PDCD6IP: variants seen among roughly 807,000 people sequenced by gnomAD.
PDCD6IP encodes the protein programmed cell death 6 interacting protein, also known as programmed cell death 6-interacting protein.
PDCD6IP carries 43 observed loss-of-function variants against 103.7 expected under a neutral mutation model. That is an observed-to-expected ratio of 0.41 (90% CI 0.32 to 0.53). The LOEUF is 0.53. Among genes scored for constraint, PDCD6IP ranks in the 20% least tolerant of loss-of-function variants. The pLI is 0.16. For missense variants in PDCD6IP, 871 were observed against 1,036.7 expected (o/e 0.84, Z 2.20); for synonymous variants, 354 against 378.7 (o/e 0.93, Z 0.76).
At chr3:33,811,136 C>T (rs1696707822) in intron 1 of PDCD6IP, 1 of 422,946 alleles carries the variant, frequency 2.4e-6, no homozygotes. Flanking sequence ...CCACCTGCCT[C>T]AGCCTCCCAG....
chr3:33,841,827 ATAAAG>A lies in PDCD6IP; in HGVS notation c.1182-66_1182-62del, dbSNP rs750738607. The A allele has an allele frequency of 8.2e-4, 824 of 1,002,738 alleles. 1 individual carries two copies. The highest frequency in any genetic ancestry group is 8.9e-4 in the Non-Finnish European group (598 of 670,812). 62.1% of individuals were successfully genotyped at this position (1,002,738 alleles called of 1,614,324 possible). ...ATTTGGTTATAGAATACTAAATTAA[ATAAAG>A]TAAGTATTGATGAGGAGTTAAATTG... On this transcript the variant is annotated intron_variant, in intron 9 of 17. Transcript: ENST00000307296.
rs1474276849 is a variant in PDCD6IP, at chr3:33,822,007, C to T, written c.387C>T (p.Ala129=). 6.2e-7 allele frequency: 1 copy of T among 1,614,014 alleles called. No homozygotes were observed. ...GCTGTGTGTTGTTCAATTGTGCAGC[C>T]TTAGCTAGCCAAATTGCAGCAGAAC... The part of the protein sequence containing the change: ...EKSCVLFNCA[A]LASQIAAEQN... Residue 129 remains alanine (A), a synonymous_variant, in exon 4 of 18, where the codon GCC becomes GCT. Transcript: ENST00000307296.
chr3:33,826,340 A>G (rs1697123417), intron 5 of PDCD6IP, 140 bp from the exon 6 acceptor site: 1 of 626,020 alleles, frequency 1.6e-6, no homozygotes, highest in African/African-American at 1.8e-5. Flanking sequence ...TGTCTGTTCT[A>G]AATTTTGTGC....
chr3:33,812,342 G>A (rs927050660), intron 2 of PDCD6IP, among the ~76,000 whole-genome samples: 8 of 152,180 alleles, frequency 5.3e-5, no homozygotes, highest in Admixed American at 1.3e-4. Context: ...TAGAGCAATG[G>A]TTTGTTTTTC....
At chr3:33,842,762 G>C (rs2125566863) in intron 10 of PDCD6IP, among the ~76,000 whole-genome samples, 1 of 152,280 alleles carries the variant, frequency 6.6e-6, no homozygotes, top group Non-Finnish European at 1.5e-5. Context: ...GTTAAAACTA[G>C]GAAATTGACA....
chr3:33,856,238 T>A (rs1432324875), intron 15 of PDCD6IP, among the ~76,000 whole-genome samples: 1 of 151,986 alleles, frequency 6.6e-6, no homozygotes, highest in Non-Finnish European at 1.5e-5. Context: ...GCCAAAAAGG[T>A]TGGGGACTGC....
intron 12 of PDCD6IP, among the ~76,000 whole-genome samples, chr3:33,850,268 T>C (rs1697685043): frequency 6.6e-6 from 1 of 152,156 alleles, no homozygotes; most frequent in Non-Finnish European, 1.5e-5. Flanking sequence ...AGTTGAAGTG[T>C]TTTTTATTTT....
intron 10 of PDCD6IP, among the ~76,000 whole-genome samples, chr3:33,843,846 A>G (rs1697529019): frequency 6.7e-6 from 1 of 149,294 alleles, no homozygotes; most frequent in Non-Finnish European, 1.5e-5. Context: ...AAATTGATAT[A>G]TGGATGTAAA....
At chr3:33,836,732 G>A (rs1323763873) in intron 8 of PDCD6IP, among the ~76,000 whole-genome samples, 1 of 151,124 alleles carries the variant, frequency 6.6e-6, no homozygotes, top group African/African-American at 2.4e-5. Context: ...GGTGGTGCAT[G>A]CCTGTGGCTT....
chr3:33,852,925 C>CTTTTT (rs200568485), intron 13 of PDCD6IP, among the ~76,000 whole-genome samples, 189 bp downstream of exon 13: 3 of 119,668 alleles, frequency 2.5e-5, no homozygotes, highest in Non-Finnish European at 3.7e-5. Context: ...AAAGTCACTT[C>CTTTTT]TTTTTTTTTT....
At chr3:33,803,323 A>G (rs1436076145) in intron 1 of PDCD6IP, among the ~76,000 whole-genome samples, 1 of 152,130 alleles carries the variant, frequency 6.6e-6, no homozygotes, top group African/African-American at 2.4e-5. Flanking sequence ...TTAATAATTT[A>G]ATTTATTGCT....
chr3:33,809,687 A>G (rs1244545837), intron 1 of PDCD6IP, among the ~76,000 whole-genome samples: 4 of 152,222 alleles, frequency 2.6e-5, no homozygotes, highest in African/African-American at 4.8e-5. Context: ...TTTTCCTAAT[A>G]TTATTTACAG....
intron 1 of PDCD6IP, among the ~76,000 whole-genome samples, chr3:33,801,468 T>C (rs1696474712): frequency 6.6e-6 from 1 of 152,184 alleles, no homozygotes; most frequent in South Asian, 2.1e-4. Flanking sequence ...TCCTAAAATA[T>C]ACATTTATGC....
intron 1 of PDCD6IP, among the ~76,000 whole-genome samples, chr3:33,800,225 C>T (rs537499400): frequency 1.3e-5 from 2 of 151,900 alleles, no homozygotes; most frequent in South Asian, 2.1e-4. Context: ...CGTCTTGCCT[C>T]CGTGATGCTT....
rs147882218 is a variant in PDCD6IP at position 33,824,555 on chromosome 3, G to A, written c.463-632G>A. On this transcript the variant is annotated intron_variant, in intron 4 of 17. Coordinates refer to ENST00000307296, the MANE Select transcript of PDCD6IP (RefSeq NM_013374.6). The stretch of plus-strand genomic sequence containing the variant: ...TTAACAGGCGTGAGCCACCGCACCC[G>A]GCCAACTCATGACACCTTTTAATCC... 7.3e-5 allele frequency among the ~76,000 whole-genome samples: 11 copies of A among 151,662 alleles called. No individual in the cohort carries two copies. The East Asian group carries it at 1.6e-3, about 22-fold the overall frequency.
intron 3 of PDCD6IP, among the ~76,000 whole-genome samples, chr3:33,817,826 G>C (rs1459814944): frequency 6.6e-6 from 1 of 151,622 alleles, no homozygotes; most frequent in Non-Finnish European, 1.5e-5. Context: ...TAAATACTTA[G>C]AAAGGCATCT....
chr3:33,856,779 G>T (rs1263204795), intron 15 of PDCD6IP, among the ~76,000 whole-genome samples: 1 of 152,186 alleles, frequency 6.6e-6, no homozygotes, highest in Non-Finnish European at 1.5e-5. Context: ...TGGCAGCTCT[G>T]TATGCCAGAA....
rs1404774990 is a variant in PDCD6IP, at chr3:33,866,447, G to A, written c.2529G>A (p.Gln843=). Reference sequence around the variant, plus strand: ...CAGTGTATCACCAGAGTCCTGGACAGGCTCCATACCCGGGACCCCAGCAGC... The same window carrying A: ...CAGTGTATCACCAGAGTCCTGGACAAGCTCCATACCCGGGACCCCAGCAGC... ...YPPVYHQSPG[Q]APYPGPQQPS... The change falls in exon 18 of 18, where the codon CAG becomes CAA. Residue 843 remains glutamine, a synonymous_variant. Transcript: ENST00000307296. The A allele has an allele frequency of 3.1e-6, 5 of 1,611,692 alleles. No individual in the cohort carries two copies. Among genetic ancestry groups the A allele is most frequent in the Non-Finnish European group, 4.2e-6 (5 of 1,179,100 alleles).
chr3:33,812,730 T>C (rs1696747424), intron 2 of PDCD6IP, among the ~76,000 whole-genome samples: 1 of 152,136 alleles, frequency 6.6e-6, no homozygotes, highest in South Asian at 2.1e-4. Flanking sequence ...GGTGAAATAA[T>C]TATATGTTGA....
Sources: allele counts gnomAD v4.1 joint callset (sites outside exome capture counted in the v4.1 genomes callset), GRCh38; gene constraint gnomAD v4.1.1; transcripts MANE v1.5; gene names NCBI Gene and HGNC (gene_info 2026-07-23, HGNC 2026-07-21).